Variants in LINGO2 observed in about 807,000 individuals in gnomAD.
The protein encoded by LINGO2 is leucine-rich repeat and immunoglobulin-like domain-containing nogo receptor-interacting protein 2.
In LINGO2, 14 loss-of-function variants were observed where a neutral mutation model predicts 30.6. The ratio of observed to expected loss-of-function variants is 0.46; its 90% CI spans 0.30 to 0.72. LINGO2 has a LOEUF of 0.72. Ranked by LOEUF, LINGO2 falls within the 30% of genes least tolerant of loss-of-function variation. The pLI is 0.07. For synonymous variants in LINGO2, 317 were observed against 288.5 expected (o/e 1.10, Z -1.00); for missense variants, 729 against 751.7 (o/e 0.97, Z 0.35).
the LINGO2 span, among the ~76,000 whole-genome samples, chr9:28,835,874 C>T: frequency 1.2e-4 from 18 of 152,134 alleles, no homozygotes; most frequent in African/African-American, 3.9e-4. Flanking sequence ...TCTATTACTG[C>T]ACTTATCACA....
At chr9:28,200,069 T>TACAACAAA (rs1275009526) in intron 4 of LINGO2, among the ~76,000 whole-genome samples, 2 of 149,990 alleles carry the variant, frequency 1.3e-5, no homozygotes, top group East Asian at 3.9e-4. Flanking sequence ...AAACAACAAT[T>TACAACAAA]ACAACAAAAC....
intron 4 of LINGO2, among the ~76,000 whole-genome samples, chr9:28,282,399 T>C (rs1452970138): frequency 6.7e-6 from 1 of 150,020 alleles, no homozygotes; most frequent in Non-Finnish European, 1.5e-5. Flanking sequence ...GTTTACCATC[T>C]CTTTCAGGAT....
chr9:29,007,555 G>A, the LINGO2 span, among the ~76,000 whole-genome samples: 1 of 152,036 alleles, frequency 6.6e-6, no homozygotes, highest in Middle Eastern at 3.2e-3. Flanking sequence ...TGCCACTGAA[G>A]GCCTTTTTTT....
the LINGO2 span, among the ~76,000 whole-genome samples, chr9:28,938,714 A>C: frequency 6.6e-6 from 1 of 152,222 alleles, no homozygotes; most frequent in Non-Finnish European, 1.5e-5. Flanking sequence ...ATATAGGTGC[A>C]GACCATGCCA....
At chr9:28,686,163 A>C in the LINGO2 span, among the ~76,000 whole-genome samples, 37 of 152,164 alleles carry the variant, frequency 2.4e-4, no homozygotes, top group African/African-American at 8.4e-4. Context: ...ATCACACATA[A>C]ATATCCTCAA....
At chr9:28,190,793 T>C (rs1247418143) in intron 4 of LINGO2, among the ~76,000 whole-genome samples, 1 of 152,136 alleles carries the variant, frequency 6.6e-6, no homozygotes, top group Non-Finnish European at 1.5e-5. Flanking sequence ...TAGGAGGAGT[T>C]GGGGAAGGTC....
chr9:28,646,385 G>A (rs1044924772), intron 1 of LINGO2, among the ~76,000 whole-genome samples: 1 of 152,066 alleles, frequency 6.6e-6, no homozygotes, highest in African/African-American at 2.4e-5. Flanking sequence ...CCTTTCATAG[G>A]AGCAAGCACG....
At chr9:28,045,704 G>A (rs1339058549) in intron 4 of LINGO2, among the ~76,000 whole-genome samples, 3 of 151,994 alleles carry the variant, frequency 2.0e-5, no homozygotes, top group Non-Finnish European at 4.4e-5. Flanking sequence ...AATAAGCAAT[G>A]ATTGAACACT....
At chr9:28,688,856 C>T in the LINGO2 span, among the ~76,000 whole-genome samples, 21 of 152,074 alleles carry the variant, frequency 1.4e-4, no homozygotes, top group African/African-American at 4.6e-4. Context: ...GTGCACATAA[C>T]GTCCTATAAT....
At chr9:28,152,253 T>C (rs558661822) in intron 4 of LINGO2, among the ~76,000 whole-genome samples, 1 of 152,246 alleles carries the variant, frequency 6.6e-6, no homozygotes, top group African/African-American at 2.4e-5. Flanking sequence ...TTTCTCACTG[T>C]GTTAGCTCCT....
At chr9:29,202,209 A>C in the LINGO2 span, among the ~76,000 whole-genome samples, 3 of 151,828 alleles carry the variant, frequency 2.0e-5, no homozygotes, top group Non-Finnish European at 1.5e-5. Context: ...AATACATATA[A>C]AAACAGAAGC....
intron 4 of LINGO2, among the ~76,000 whole-genome samples, chr9:28,138,379 A>G (rs1333023708): frequency 1.3e-5 from 2 of 152,248 alleles, no homozygotes; most frequent in East Asian, 3.8e-4. Flanking sequence ...ATACGGGAGG[A>G]AAAGAAAAAT....
chr9:28,326,725 T>C (rs1034932099), intron 3 of LINGO2, among the ~76,000 whole-genome samples: 3 of 152,186 alleles, frequency 2.0e-5, no homozygotes, highest in Non-Finnish European at 2.9e-5. Flanking sequence ...ATAAAATACA[T>C]CAATAGTATT....
At chr9:28,564,339 G>A (rs1361455615) in intron 1 of LINGO2, among the ~76,000 whole-genome samples, 2 of 152,104 alleles carry the variant, frequency 1.3e-5, no homozygotes, top group African/African-American at 2.4e-5. Flanking sequence ...ATCTGCAAAA[G>A]TAGATGAACC....
chr9:28,120,407 A>C (rs1295848527), intron 4 of LINGO2, among the ~76,000 whole-genome samples: 1 of 152,192 alleles, frequency 6.6e-6, no homozygotes, highest in Non-Finnish European at 1.5e-5. Flanking sequence ...GGACTTGTGC[A>C]TCTTTATTGT....
chr9:28,313,232 T>A (rs1202485379), intron 3 of LINGO2, among the ~76,000 whole-genome samples: 1 of 152,186 alleles, frequency 6.6e-6, no homozygotes, highest in Non-Finnish European at 1.5e-5. Flanking sequence ...ATTGGGAAAT[T>A]GAATCATTTC....
At chr9:28,586,351 C>T (rs1172273934) in intron 1 of LINGO2, among the ~76,000 whole-genome samples, 1 of 152,000 alleles carries the variant, frequency 6.6e-6, no homozygotes, top group Non-Finnish European at 1.5e-5. Flanking sequence ...TTGGGTTTCA[C>T]ATTTTTTAAT....
At chr9:29,189,639 G>C in the LINGO2 span, among the ~76,000 whole-genome samples, 2 of 152,032 alleles carry the variant, frequency 1.3e-5, no homozygotes, top group African/African-American at 4.8e-5. Flanking sequence ...CTGCAATCTC[G>C]GCACTTTGGG....
intron 4 of LINGO2, among the ~76,000 whole-genome samples, chr9:28,084,827 A>G (rs1479026306): frequency 2.6e-5 from 4 of 152,188 alleles, no homozygotes; most frequent in Non-Finnish European, 4.4e-5. Flanking sequence ...GAAAGTCTGT[A>G]TAAATAATTT....
Sources: gnomAD v4.1 joint callset for allele counts (sites outside exome capture counted in the v4.1 genomes callset) on GRCh38, gnomAD v4.1.1 for gene constraint, MANE v1.5 for transcripts, NCBI Gene and HGNC (gene_info 2026-07-23, HGNC 2026-07-21) for gene names.